Variants in GPHN observed in about 807,000 individuals in gnomAD.
GPHN encodes gephyrin.
A neutral mutation model predicts 95.5 loss-of-function variants in GPHN; 17 were observed. The ratio of observed to expected loss-of-function variants is 0.18; its 90% CI spans 0.12 to 0.27. The LOEUF is 0.27. Ranked by LOEUF, GPHN falls within the 10% of genes least tolerant of loss-of-function variation. The pLI is 1.00. For missense variants in GPHN, 660 were observed against 978.1 expected, an observed-to-expected ratio of 0.67 and a Z score of 4.34; for synonymous variants, 320 against 322.5, an observed-to-expected ratio of 0.99 and a Z score of 0.08.
intron 9 of GPHN, among the ~76,000 whole-genome samples, chr14:66,977,728 A>G (rs2070355750): frequency 6.6e-6 from 1 of 152,250 alleles, no homozygotes; most frequent in Non-Finnish European, 1.5e-5. Context: ...CTGTGTAGGA[A>G]TAGAATAGCA....
chr14:67,394,512 C>G, the GPHN span, among the ~76,000 whole-genome samples: 1 of 152,184 alleles, frequency 6.6e-6, no homozygotes, highest in Non-Finnish European at 1.5e-5. Flanking sequence ...TTAAACCCAC[C>G]TGCCTACCCA....
At chr14:67,323,630 A>ATC in the GPHN span, 1 of 378,284 alleles carries the variant, frequency 2.6e-6, no homozygotes, top group East Asian at 6.4e-5. Flanking sequence ...ATATATATAT[A>ATC]TATATATCAG....
chr14:66,601,359 A>G (rs1172513371), intron 1 of GPHN, among the ~76,000 whole-genome samples: 4 of 152,158 alleles, frequency 2.6e-5, no homozygotes, highest in Middle Eastern at 3.4e-3. Context: ...TTTTAGAATC[A>G]ATAAGATTTC....
chr14:67,070,856 T>C (rs1366213675), intron 11 of GPHN, among the ~76,000 whole-genome samples: 2 of 151,830 alleles, frequency 1.3e-5, no homozygotes, highest in African/African-American at 4.9e-5. Context: ...TATAGCTATG[T>C]AATTGAATAA....
chr14:66,754,593 G>A (rs891146905), intron 2 of GPHN, among the ~76,000 whole-genome samples: 8 of 151,646 alleles, frequency 5.3e-5, no homozygotes, highest in East Asian at 1.9e-4. Context: ...TAAATAATGC[G>A]ATAATAGAAA....
At chr14:66,683,805 G>A (rs921066867) in intron 2 of GPHN, among the ~76,000 whole-genome samples, 4 of 151,288 alleles carry the variant, frequency 2.6e-5, no homozygotes, top group Admixed American at 1.3e-4. Context: ...GTGAAACCCC[G>A]TCTCCACTAA....
the GPHN span, among the ~76,000 whole-genome samples, chr14:67,403,651 G>T: frequency 6.6e-6 from 1 of 152,236 alleles, no homozygotes; most frequent in African/African-American, 2.4e-5. Context: ...GATGACAAAA[G>T]ATGTACTACG....
intron 1 of GPHN, among the ~76,000 whole-genome samples, chr14:66,516,082 C>T (rs2058232509): frequency 6.6e-6 from 1 of 151,670 alleles, no homozygotes; most frequent in Admixed American, 6.6e-5. Context: ...TCTCAGCTTG[C>T]TGCAACCTCT....
the GPHN span, chr14:67,359,744 GC>G: frequency 6.2e-7 from 1 of 1,610,252 alleles, no homozygotes; most frequent in South Asian, 1.1e-5. Context: ...GGCAACCGAG[GC>G]TGCAATAGCT....
chr14:66,586,211 C>A (rs533348154), intron 1 of GPHN, among the ~76,000 whole-genome samples: 79 of 129,194 alleles, frequency 6.1e-4, no homozygotes, highest in African/African-American at 2.8e-3. Context: ...AGGATTGCAA[C>A]CCCTTCCTTT....
At chr14:66,741,008 G>A (rs1701802275) in intron 2 of GPHN, among the ~76,000 whole-genome samples, 1 of 152,168 alleles carries the variant, frequency 6.6e-6, no homozygotes, top group Non-Finnish European at 1.5e-5. Flanking sequence ...AGGAAGAAGG[G>A]CAAGAGAGCA....
chr14:66,995,092 GTT>G (rs2071696284), intron 9 of GPHN, among the ~76,000 whole-genome samples: 1 of 152,110 alleles, frequency 6.6e-6, no homozygotes, highest in Non-Finnish European at 1.5e-5. Context: ...GTACCTTTGT[GTT>G]TTGATACTTC....
At chr14:67,673,419 T>C in the GPHN span, among the ~76,000 whole-genome samples, 1 of 152,182 alleles carries the variant, frequency 6.6e-6, no homozygotes, top group Non-Finnish European at 1.5e-5. Flanking sequence ...TACTTTCCTG[T>C]ATTCTTTAAC....
intron 13 of GPHN, 58 bp downstream of exon 13, chr14:67,100,969 C>A (rs2077668415): frequency 3.0e-6 from 3 of 1,004,016 alleles, no homozygotes; most frequent in Admixed American, 1.7e-5. Flanking sequence ...CTTTGGGCAT[C>A]TAATTCTAAA....
chr14:67,000,023 G>A (rs2072107486), intron 9 of GPHN, among the ~76,000 whole-genome samples: 1 of 151,756 alleles, frequency 6.6e-6, no homozygotes, highest in Admixed American at 6.6e-5. Flanking sequence ...ACATTTAGAT[G>A]CTAAATAATT....
intron 1 of GPHN, among the ~76,000 whole-genome samples, chr14:66,677,701 G>A (rs117255473): frequency 0.059 from 8,913 of 151,224 alleles, 350 homozygotes; most frequent in Middle Eastern, 0.099. Flanking sequence ...GGCCTAACAT[G>A]TGGTCTGTCT....
rs2064859164 is a variant in GPHN at position 66,648,276 on chromosome 14, CAAAG to C, written c.65-32828_65-32825del. Among the ~76,000 whole-genome samples, 9 of 152,084 alleles carry C rather than the reference CAAAG, an allele frequency of 5.9e-5. No homozygotes were observed. In the South Asian group the frequency reaches 1.5e-3, roughly 25 times the overall value. On this transcript the variant is annotated intron_variant, in intron 1 of 22. Transcript: ENST00000478722. ...CTTGAAAATAAGAAATAATGTTAGT[CAAAG>C]AAGCCCTGAATATTACTGTAAATCA...
the GPHN span, among the ~76,000 whole-genome samples, chr14:67,654,224 T>TC: frequency 6.6e-6 from 1 of 152,068 alleles, no homozygotes; most frequent in South Asian, 2.1e-4. Flanking sequence ...ACCCCACATG[T>TC]CCCCAAGTAG....
intron 2 of GPHN, among the ~76,000 whole-genome samples, chr14:66,693,906 A>G (rs2067949391): frequency 6.6e-6 from 1 of 152,198 alleles, no homozygotes; most frequent in Admixed American, 6.5e-5. Flanking sequence ...ATATTGAAGA[A>G]TAAGAAAAAA....
Sources: gnomAD v4.1 joint callset for allele counts (sites outside exome capture counted in the v4.1 genomes callset) on GRCh38, gnomAD v4.1.1 for gene constraint, MANE v1.5 for transcripts, NCBI Gene and HGNC (gene_info 2026-07-23, HGNC 2026-07-21) for gene names.